The following CDH8 variants were observed in gnomAD, a reference collection of about 807,000 sequenced individuals.
CDH8 encodes the protein cadherin-8.
A neutral mutation model predicts 68.1 loss-of-function variants in CDH8; 17 were observed. The ratio of observed to expected loss-of-function variants is 0.25; its 90% CI spans 0.17 to 0.37. The LOEUF is 0.37. Ranked by LOEUF, CDH8 falls within the 10% of genes least tolerant of loss-of-function variation. The pLI, the probability that CDH8 is intolerant of heterozygous loss-of-function variation, is 1.00. For missense variants in CDH8, 763 were observed against 999.3 expected (o/e 0.76, Z 3.19); for synonymous variants, 372 against 365.1 (o/e 1.02, Z -0.21).
chr16:61,669,174 G>T (rs1026978092), intron 10 of CDH8, among the ~76,000 whole-genome samples: 1 of 151,966 alleles, frequency 6.6e-6, no homozygotes, highest in African/African-American at 2.4e-5. Context: ...AAGACATAAC[G>T]TGCTTCATCA....
chr16:61,784,113 A>C (rs1264470459), intron 8 of CDH8, among the ~76,000 whole-genome samples: 2 of 151,068 alleles, frequency 1.3e-5, no homozygotes, highest in African/African-American at 4.8e-5. Context: ...AAATGGACTA[A>C]ATTCTCCAAT....
chr16:61,809,480 C>T (rs1224334498), intron 7 of CDH8, among the ~76,000 whole-genome samples: 3 of 152,084 alleles, frequency 2.0e-5, no homozygotes, highest in Admixed American at 2.0e-4. Context: ...ATACCTAATG[C>T]ATATGGGGCT....
chr16:62,006,592 A>G (rs767209965), intron 2 of CDH8, among the ~76,000 whole-genome samples: 12 of 152,188 alleles, frequency 7.9e-5, no homozygotes, highest in Non-Finnish European at 1.5e-4. Context: ...GGTTCTATCT[A>G]TGTATATTCT....
intron 1 of CDH8, among the ~76,000 whole-genome samples, chr16:62,021,931 C>T (rs1048226313): frequency 7.9e-5 from 12 of 151,984 alleles, no homozygotes; most frequent in African/African-American, 2.9e-4. Context: ...CTCCTCTGTC[C>T]ATCCCTTCCT....
At chr16:61,890,626 G>T (rs1012398654) in intron 3 of CDH8, among the ~76,000 whole-genome samples, 1 of 152,062 alleles carries the variant, frequency 6.6e-6, no homozygotes, top group Non-Finnish European at 1.5e-5. Flanking sequence ...GTTCCAGTAG[G>T]TTCAAATTTC....
intron 10 of CDH8, among the ~76,000 whole-genome samples, chr16:61,656,235 A>G (rs1365738261): frequency 1.3e-5 from 2 of 152,178 alleles, no homozygotes; most frequent in Admixed American, 1.3e-4. Flanking sequence ...GGACCCCCTG[A>G]CGGACCAACG....
chr16:61,746,957 T>A (rs1339584719), intron 8 of CDH8, among the ~76,000 whole-genome samples: 1 of 152,130 alleles, frequency 6.6e-6, no homozygotes, highest in Non-Finnish European at 1.5e-5. Flanking sequence ...GATGAATGAT[T>A]AGCAGAACTG....
intron 2 of CDH8, among the ~76,000 whole-genome samples, chr16:61,989,316 C>A (rs189630565): frequency 1.8e-4 from 27 of 152,258 alleles, no homozygotes; most frequent in Admixed American, 1.6e-3. Flanking sequence ...TAAATCAATA[C>A]CATGACTGAT....
At chr16:61,957,714 T>TA (rs558711509) in intron 2 of CDH8, among the ~76,000 whole-genome samples, 21 of 152,224 alleles carry the variant, frequency 1.4e-4, no homozygotes, top group Non-Finnish European at 2.6e-4. Flanking sequence ...TAGGACTTGT[T>TA]ATATTATTCA....
chr16:61,907,657 T>A (rs996791375), intron 2 of CDH8, among the ~76,000 whole-genome samples: 1 of 149,992 alleles, frequency 6.7e-6, no homozygotes, highest in African/African-American at 2.5e-5. Flanking sequence ...CCAACCTAGC[T>A]GACAGAGTGA....
At chr16:61,736,135 G>GGAAGGAAGGAAGGAAGGAAGGAAC (rs1429418770) in intron 8 of CDH8, among the ~76,000 whole-genome samples, 10 of 150,132 alleles carry the variant, frequency 6.7e-5, no homozygotes, top group Non-Finnish European at 1.2e-4. Context: ...AAGGAAGGAA[G>GGAAGGAAGGAAGGAAGGAAGGAAC]GAAGGAAGGA....
At chr16:61,702,709 G>A (rs1182518109) in intron 10 of CDH8, among the ~76,000 whole-genome samples, 1 of 152,194 alleles carries the variant, frequency 6.6e-6, no homozygotes. Context: ...CACAGCTTGT[G>A]AAAATTATAA....
intron 10 of CDH8, among the ~76,000 whole-genome samples, chr16:61,708,082 C>T (rs937697125): frequency 5.3e-5 from 8 of 152,170 alleles, no homozygotes; most frequent in Admixed American, 1.3e-4. Context: ...ATTCTACGCA[C>T]GAAGGCATCT....
At chr16:61,820,314 GTTT>G (rs545670875) in intron 6 of CDH8, among the ~76,000 whole-genome samples, 3 of 90,762 alleles carry the variant, frequency 3.3e-5, no homozygotes, top group Admixed American at 2.6e-4. Context: ...TGCCTGTTTG[GTTT>G]TTTTTTTTTT....
intron 3 of CDH8, among the ~76,000 whole-genome samples, chr16:61,893,526 A>G (rs1042638540): frequency 5.3e-5 from 8 of 151,968 alleles, no homozygotes; most frequent in East Asian, 2.0e-4. Context: ...AATGAACACA[A>G]CTAATGCCCA....
chr16:61,739,410 C>T (rs967952067), intron 8 of CDH8, among the ~76,000 whole-genome samples: 1 of 151,914 alleles, frequency 6.6e-6, no homozygotes, highest in African/African-American at 2.4e-5. Context: ...GTAAACTACC[C>T]AGCATCTATT....
intron 2 of CDH8, among the ~76,000 whole-genome samples, chr16:61,970,656 A>G (rs1341606836): frequency 1.3e-5 from 2 of 152,178 alleles, no homozygotes; most frequent in Non-Finnish European, 2.9e-5. Flanking sequence ...CCAAACAAGC[A>G]ATCAATTCTA....
intron 4 of CDH8, among the ~76,000 whole-genome samples, chr16:61,850,123 G>A (rs1322966508): frequency 6.6e-6 from 1 of 151,998 alleles, no homozygotes. Context: ...TTTGGCTCAT[G>A]GTTCTGCAAG....
Position 61,653,984 on chromosome 16 carries a change from T to C in CDH8, c.2024A>G (p.Glu675Gly). ...IRYDDEGGGE[E>G]DTEAFDIATL... is the part of the protein sequence containing the mutation. ...TGCAATGTCAAAAGCCTCTGTGTCC[T>C]CCTCCCCTCCTCCTTCATCATCGTA... is the stretch of plus-strand genomic sequence containing the variant. The change falls in exon 12 of 12, where the codon GAG becomes GGG. Residue 675 changes from glutamate (E) to glycine (G), a missense_variant. Glu to Gly is a moderately conservative substitution (Grantham distance 98, BLOSUM62 -2). Transcript: ENST00000577390. 1 of 1,614,104 alleles carries C rather than the reference T, an allele frequency of 6.2e-7. No individual in the cohort carries two copies. Among genetic ancestry groups the C allele is most frequent in the Non-Finnish European group, 8.5e-7 (1 of 1,179,932 alleles).
Sources: gnomAD v4.1 joint callset for allele counts (sites outside exome capture counted in the v4.1 genomes callset) on GRCh38, gnomAD v4.1.1 for gene constraint, MANE v1.5 for transcripts, NCBI Gene and HGNC (gene_info 2026-07-23, HGNC 2026-07-21) for gene names.